The following CTNNA3 variants were observed in gnomAD, a reference collection of about 807,000 sequenced individuals.
The protein encoded by CTNNA3 is catenin alpha 3.
Under a neutral mutation model 95.7 loss-of-function variants are expected in CTNNA3, and 76 were observed. That is an observed-to-expected ratio of 0.79 (90% CI 0.66 to 0.96). The LOEUF is 0.96. Ranked by LOEUF, CTNNA3 falls within the 40% of genes least tolerant of loss-of-function variation. The pLI is 0.00. For synonymous variants in CTNNA3, 431 were observed against 374.4 expected (o/e 1.15, Z -1.74); for missense variants, 1,191 against 1,089.8 (o/e 1.09, Z -1.31).
chr10:67,401,182 G>T (rs1432174147), intron 5 of CTNNA3, among the ~76,000 whole-genome samples: 1 of 152,100 alleles, frequency 6.6e-6, no homozygotes, highest in Non-Finnish European at 1.5e-5. Context: ...GCCCTCACAA[G>T]ATCACACCTG....
chr10:66,778,757 C>A lies in CTNNA3; in HGVS notation c.1048-3233G>T, dbSNP rs186683197. ...TTGTGAGGCCAAGGCAGGTGGATCA[C>A]CTGAGGTCAGGAGTTCAAGACCAGC... On this transcript the variant is annotated intron_variant, in intron 7 of 17. Coordinates refer to ENST00000433211, the MANE Select transcript of CTNNA3 (RefSeq NM_013266.4). Among the ~76,000 whole-genome samples, 45 of 152,258 alleles carry A rather than the reference C, an allele frequency of 3.0e-4. No homozygotes were observed. The East Asian group carries it at 7.5e-3, about 25-fold the overall frequency.
chr10:66,868,237 C>T (rs72802693), intron 7 of CTNNA3, among the ~76,000 whole-genome samples: 40,659 of 149,434 alleles, frequency 0.27, 6,324 homozygotes, highest in Non-Finnish European at 0.36. Flanking sequence ...TGGTAGCTAG[C>T]ACCTATAATC....
chr10:66,401,508 T>C (rs1256565648), intron 11 of CTNNA3, among the ~76,000 whole-genome samples: 4 of 117,958 alleles, frequency 3.4e-5, no homozygotes, highest in African/African-American at 1.3e-4. Context: ...AGAGCTAGAC[T>C]GTGTCTCAAA....
At position 67,312,058 on chromosome 10, in the gene CTNNA3, T is replaced by C. The variant is rs569073951; in HGVS notation, c.580-92188A>G. The stretch of plus-strand genomic sequence containing the variant: ...TAAGTCTGCAAGGCTTGTGAAAAAA[T>C]ATATACATTTAAATTACTTTTTTTT... On this transcript the variant is annotated intron_variant, in intron 5 of 17. Transcript: ENST00000433211. Among the ~76,000 whole-genome samples, 23 of 148,046 alleles carry C rather than the reference T, an allele frequency of 1.6e-4. No homozygotes were observed. In the South Asian group the frequency reaches 4.3e-3, roughly 28 times the overall value.
At chr10:65,973,454 T>C (rs890874074) in intron 16 of CTNNA3, among the ~76,000 whole-genome samples, 1 of 152,104 alleles carries the variant, frequency 6.6e-6, no homozygotes, top group African/African-American at 2.4e-5. Flanking sequence ...GAATCTAACA[T>C]AGTTTTACTA....
At chr10:66,134,165 C>A (rs1012013007) in intron 13 of CTNNA3, among the ~76,000 whole-genome samples, 3 of 151,772 alleles carry the variant, frequency 2.0e-5, no homozygotes, top group Non-Finnish European at 4.4e-5. Context: ...TCATAAAAAC[C>A]AAGAAAAAAG....
chr10:66,475,947 A>G (rs1453387086), intron 11 of CTNNA3, among the ~76,000 whole-genome samples: 1 of 152,154 alleles, frequency 6.6e-6, no homozygotes. Context: ...ACAACAGAAA[A>G]GACATGGAAT....
chr10:67,177,234 C>G (rs369621724), intron 7 of CTNNA3, among the ~76,000 whole-genome samples: 1 of 152,102 alleles, frequency 6.6e-6, no homozygotes, highest in African/African-American at 2.4e-5. Flanking sequence ...ACTTATTGAA[C>G]GTTGAGATTC....
At chr10:67,336,487 G>A (rs1842000643) in intron 5 of CTNNA3, among the ~76,000 whole-genome samples, 1 of 152,212 alleles carries the variant, frequency 6.6e-6, no homozygotes, top group Admixed American at 6.5e-5. Context: ...AGCAGCAGGT[G>A]CTGAGGGAGA....
chr10:67,360,428 A>C (rs576602317), intron 5 of CTNNA3, among the ~76,000 whole-genome samples: 4 of 151,888 alleles, frequency 2.6e-5, no homozygotes, highest in East Asian at 1.9e-4. Context: ...AAAAAAAAAA[A>C]AAAAAACAAG....
At chr10:66,855,107 G>A (rs766321550) in intron 7 of CTNNA3, among the ~76,000 whole-genome samples, 3 of 151,920 alleles carry the variant, frequency 2.0e-5, no homozygotes, top group Non-Finnish European at 4.4e-5. Flanking sequence ...AGATAGTGCT[G>A]TAAGAAGTTA....
chr10:66,169,491 C>T (rs1372811809), intron 13 of CTNNA3, among the ~76,000 whole-genome samples: 2 of 152,088 alleles, frequency 1.3e-5, no homozygotes, highest in Non-Finnish European at 2.9e-5. Context: ...CATGCGTGTG[C>T]AAGTATCTTT....
chr10:65,996,360 C>T (rs927414999), intron 15 of CTNNA3, among the ~76,000 whole-genome samples: 7 of 152,254 alleles, frequency 4.6e-5, no homozygotes, highest in South Asian at 2.1e-4. Context: ...ACCTGGGGTG[C>T]AAGTTGCTGT....
chr10:66,748,796 T>C (rs1476378609), intron 9 of CTNNA3, among the ~76,000 whole-genome samples: 3 of 152,240 alleles, frequency 2.0e-5, no homozygotes, highest in South Asian at 2.1e-4. Flanking sequence ...CCTCTGTCTA[T>C]ATCCTGCACC....
At chr10:66,448,497 A>G (rs1589266586) in intron 11 of CTNNA3, among the ~76,000 whole-genome samples, 1 of 152,226 alleles carries the variant, frequency 6.6e-6, no homozygotes, top group African/African-American at 2.4e-5. Flanking sequence ...CTATGTAGCC[A>G]TAAAAAATGA....
At chr10:65,940,209 A>G (rs2077407974) in intron 17 of CTNNA3, among the ~76,000 whole-genome samples, 1 of 152,234 alleles carries the variant, frequency 6.6e-6, no homozygotes, top group Non-Finnish European at 1.5e-5. Flanking sequence ...TTCAATGTGG[A>G]ATGTACTTAC....
At chr10:67,247,300 T>G (rs373199257) in intron 5 of CTNNA3, among the ~76,000 whole-genome samples, 107 of 152,316 alleles carry the variant, frequency 7.0e-4, no homozygotes, top group African/African-American at 2.3e-3. Context: ...TAAATAAGAT[T>G]GATACAGTTC....
At chr10:67,680,063 A>T (rs759764550) in intron 1 of CTNNA3, among the ~76,000 whole-genome samples, 4 of 152,236 alleles carry the variant, frequency 2.6e-5, no homozygotes, top group Non-Finnish European at 5.9e-5. Flanking sequence ...AAAAATATAT[A>T]GAATCTAATT....
intron 10 of CTNNA3, among the ~76,000 whole-genome samples, chr10:66,579,749 G>A (rs1843123700): frequency 1.3e-5 from 2 of 151,378 alleles, no homozygotes; most frequent in Non-Finnish European, 3.0e-5. Flanking sequence ...TTTATTACTG[G>A]ATATAGGATC....
Sources: gnomAD v4.1 joint callset for allele counts (sites outside exome capture counted in the v4.1 genomes callset) on GRCh38, gnomAD v4.1.1 for gene constraint, MANE v1.5 for transcripts, NCBI Gene and HGNC (gene_info 2026-07-23, HGNC 2026-07-21) for gene names.